GRM7: variants seen among roughly 807,000 people sequenced by gnomAD.
The protein encoded by GRM7 is glutamate metabotropic receptor 7.
GRM7 carries 35 observed loss-of-function variants against 84.5 expected under a neutral mutation model. That is an observed-to-expected ratio of 0.41 (90% CI 0.32 to 0.55). GRM7 has a LOEUF of 0.55. Ranked by LOEUF, GRM7 falls within the 20% of genes least tolerant of loss-of-function variation. The pLI, the probability that GRM7 is intolerant of heterozygous loss-of-function variation, is 0.19. For missense variants in GRM7, 1,003 were observed against 1,194.6 expected (o/e 0.84, Z 2.36); for synonymous variants, 487 against 455.1 (o/e 1.07, Z -0.89).
chr3:7,399,728 A>T (rs1359590033), intron 4 of GRM7, among the ~76,000 whole-genome samples: 1 of 152,102 alleles, frequency 6.6e-6, no homozygotes, highest in African/African-American at 2.4e-5. Context: ...ACAAGAGCTG[A>T]GTTGTTAAAA....
At chr3:7,306,221 C>T (rs1240910865) in intron 3 of GRM7, among the ~76,000 whole-genome samples, 1 of 152,172 alleles carries the variant, frequency 6.6e-6, no homozygotes, top group Non-Finnish European at 1.5e-5. Context: ...TCCTTTCTAA[C>T]ATATGTAAAT....
intron 4 of GRM7, among the ~76,000 whole-genome samples, chr3:7,365,197 G>A (rs1442951291): frequency 6.6e-6 from 1 of 151,636 alleles, no homozygotes. Context: ...CTTTCTGATT[G>A]TTTAAGGCAC....
intron 1 of GRM7, among the ~76,000 whole-genome samples, chr3:6,916,050 G>A (rs375949738): frequency 6.6e-6 from 1 of 152,164 alleles, no homozygotes; most frequent in African/African-American, 2.4e-5. Context: ...CACTATCTTT[G>A]TTGATGTTGC....
At chr3:7,623,350 C>A (rs1386007626) in intron 8 of GRM7, among the ~76,000 whole-genome samples, 1 of 152,140 alleles carries the variant, frequency 6.6e-6, no homozygotes, top group African/African-American at 2.4e-5. Flanking sequence ...AATGTCTCTT[C>A]ATTGAAGATT....
At chr3:7,332,142 A>C (rs10510362) in intron 4 of GRM7, among the ~76,000 whole-genome samples, 6,073 of 152,270 alleles carry the variant, frequency 0.04, 256 homozygotes, top group African/African-American at 0.11. Flanking sequence ...GCAGGATATT[A>C]AACGAGGAAA....
At chr3:7,457,259 T>C (rs1446423520) in intron 6 of GRM7, among the ~76,000 whole-genome samples, 1 of 152,170 alleles carries the variant, frequency 6.6e-6, no homozygotes, top group African/African-American at 2.4e-5. Context: ...TAAGAAATGA[T>C]AATATCGTAC....
At chr3:7,609,774 C>A (rs1696759885) in intron 8 of GRM7, among the ~76,000 whole-genome samples, 1 of 152,108 alleles carries the variant, frequency 6.6e-6, no homozygotes, top group African/African-American at 2.4e-5. Context: ...ATCAGAAGCC[C>A]ACTTGGAGTG....
At chr3:7,257,185 C>A (rs1395858041) in intron 2 of GRM7, among the ~76,000 whole-genome samples, 1 of 152,048 alleles carries the variant, frequency 6.6e-6, no homozygotes, top group Non-Finnish European at 1.5e-5. Context: ...GGTGAGGGAC[C>A]TTATAAGAAG....
At chr3:7,154,674 A>G (rs79236784) in intron 2 of GRM7, among the ~76,000 whole-genome samples, 107 of 152,258 alleles carry the variant, frequency 7.0e-4, no homozygotes, top group African/African-American at 2.5e-3. Flanking sequence ...TCAAATATGG[A>G]GAATTTTATT....
chr3:7,436,177 C>T (rs1008954395), intron 5 of GRM7, among the ~76,000 whole-genome samples: 1 of 152,016 alleles, frequency 6.6e-6, no homozygotes, highest in Non-Finnish European at 1.5e-5. Context: ...ATAAAAATAA[C>T]CTTTGTTTTC....
At chr3:7,522,337 C>T (rs921519097) in intron 7 of GRM7, among the ~76,000 whole-genome samples, 2 of 147,478 alleles carry the variant, frequency 1.4e-5, no homozygotes, top group Non-Finnish European at 3.0e-5. Context: ...GAACAACAGT[C>T]AAAGGTTCCT....
At chr3:7,597,073 T>C (rs1696082593) in intron 8 of GRM7, among the ~76,000 whole-genome samples, 1 of 152,104 alleles carries the variant, frequency 6.6e-6, no homozygotes, top group African/African-American at 2.4e-5. Context: ...ACTGGGTAAT[T>C]TATAAAGAAA....
At chr3:7,003,083 G>A (rs975855146) in intron 1 of GRM7, among the ~76,000 whole-genome samples, 2 of 152,106 alleles carry the variant, frequency 1.3e-5, no homozygotes, top group African/African-American at 4.8e-5. Flanking sequence ...CAGAGGCTGC[G>A]GGTTGAGGGG....
intron 4 of GRM7, among the ~76,000 whole-genome samples, chr3:7,333,603 A>G (rs1049232994): frequency 3.3e-5 from 5 of 152,172 alleles, no homozygotes; most frequent in African/African-American, 7.2e-5. Flanking sequence ...CTCTCCAGCA[A>G]TGGATCCAAA....
intron 2 of GRM7, among the ~76,000 whole-genome samples, chr3:7,227,957 T>G (rs1697037115): frequency 1.3e-5 from 2 of 152,228 alleles, no homozygotes; most frequent in South Asian, 4.1e-4. Flanking sequence ...CATTGTCATA[T>G]GTCTACTTTA....
intron 7 of GRM7, among the ~76,000 whole-genome samples, chr3:7,493,987 T>G (rs1174992119): frequency 6.6e-6 from 1 of 152,082 alleles, no homozygotes; most frequent in African/African-American, 2.4e-5. Flanking sequence ...TTATCTTGGG[T>G]GTCAGATGGT....
At chr3:7,700,312 G>C (rs1022194591) in intron 9 of GRM7, among the ~76,000 whole-genome samples, 1 of 152,200 alleles carries the variant, frequency 6.6e-6, no homozygotes, top group East Asian at 1.9e-4. Flanking sequence ...GGAATTGTAG[G>C]ATCCAAGCAT....
At chr3:7,735,872 A>G (rs1340336047) in intron 9 of GRM7, among the ~76,000 whole-genome samples, 2 of 152,328 alleles carry the variant, frequency 1.3e-5, no homozygotes, top group East Asian at 3.9e-4. Context: ...GTCTATGTGT[A>G]CATATGAAAG....
At chr3:7,426,461 A>G (rs11705771) in intron 5 of GRM7, among the ~76,000 whole-genome samples, 18,060 of 152,014 alleles carry the variant, frequency 0.12, 1,330 homozygotes, top group South Asian at 0.28. Context: ...GGGCCTTTGT[A>G]TATGCTGTTT....
Sources: gnomAD v4.1 joint callset for allele counts (sites outside exome capture counted in the v4.1 genomes callset) on GRCh38, gnomAD v4.1.1 for gene constraint, MANE v1.5 for transcripts, NCBI Gene and HGNC (gene_info 2026-07-23, HGNC 2026-07-21) for gene names.